TIMM23B: variants seen among roughly 807,000 people sequenced by gnomAD.
TIMM23B encodes translocase of inner mitochondrial membrane 23 homolog B.
A neutral mutation model predicts 27.3 loss-of-function variants in TIMM23B; 27 were observed. The ratio of observed to expected loss-of-function variants is 0.99; its 90% CI spans 0.73 to 1.36. The LOEUF is 1.36. TIMM23B is among the 40% of genes most tolerant of loss of function. TIMM23B has a pLI of 0.00. For synonymous variants in TIMM23B, 73 were observed against 92.4 expected (o/e 0.79, Z 1.21); for missense variants, 205 against 244.2 (o/e 0.84, Z 1.07).
intron 2 of TIMM23B, among the ~76,000 whole-genome samples, chr10:49,945,965 A>C (rs1191930531): frequency 6.6e-6 from 1 of 152,214 alleles, no homozygotes; most frequent in East Asian, 1.9e-4. Context: ...TGAGGTGGGC[A>C]GATCACTTGA....
At chr10:49,946,482 C>G (rs1303854680) in intron 2 of TIMM23B, among the ~76,000 whole-genome samples, 4 of 152,120 alleles carry the variant, frequency 2.6e-5, no homozygotes, top group Non-Finnish European at 5.9e-5. Flanking sequence ...TCTGTTAAAA[C>G]TAATGATCGA....
At position 49,942,114 on chromosome 10, in the gene TIMM23B, C is replaced by A. The variant is rs1234618604; in HGVS notation, c.-81C>A. On this transcript the variant is annotated 5_prime_UTR_variant, in exon 1 of 7. Transcript: ENST00000651259. ...TAGGCGCTGGCAACGCGGGGTTACC[C>A]GCTGTTATTGAGGAGTAACGGCCCA... The A allele has an allele frequency of 3.4e-6, 5 of 1,463,542 alleles. No individual in the cohort carries two copies. The African/African-American group carries it at 5.7e-5, about 17-fold the overall frequency. 90.7% of individuals were successfully genotyped at this position (1,463,542 alleles called of 1,614,324 possible).
intron 6 of TIMM23B, among the ~76,000 whole-genome samples, chr10:49,962,595 T>C (rs1839957224): frequency 6.6e-6 from 1 of 152,136 alleles, no homozygotes; most frequent in African/African-American, 2.4e-5. Context: ...CATTGTCTTT[T>C]AACTCCCACT....
At chr10:49,954,318 G>A (rs1326231403) in intron 4 of TIMM23B, 6 of 454,928 alleles carry the variant, frequency 1.3e-5, no homozygotes, top group Admixed American at 1.3e-4. Flanking sequence ...CACTGTTCTG[G>A]TGGTGTCTGG....
At chr10:49,950,193 GTTTTTTCTTT>G (rs1244622527) in intron 2 of TIMM23B, among the ~76,000 whole-genome samples, 1 of 135,980 alleles carries the variant, frequency 7.4e-6, no homozygotes, top group Non-Finnish European at 1.6e-5. Context: ...AATTAAAAAA[GTTTTTTCTTT>G]TTTTTTTTTT....
At chr10:49,961,080 G>A (rs1839879753) in intron 6 of TIMM23B, among the ~76,000 whole-genome samples, 1 of 152,144 alleles carries the variant, frequency 6.6e-6, no homozygotes, top group East Asian at 1.9e-4. Flanking sequence ...GGAAAAGGTT[G>A]AAGTGAAAGA....
Position 49,945,063 on chromosome 10 carries a change from A to G in TIMM23B, c.138A>G (p.Leu46=). The part of the protein sequence containing the change: ...LTGMNPLCPY[L]NVDPRYLVQD... ...GTATGAACCCTCTGTGTCCTTATTT[A>G]AATGTGGATCCACGATACCTCGTGC... The change falls in exon 2 of 7, where the codon TTA becomes TTG. Residue 46 remains leucine (L), a synonymous_variant. Coordinates refer to ENST00000651259, the MANE Select transcript of TIMM23B (RefSeq NM_001290117.2). 6.2e-7 allele frequency: 1 copy of G among 1,601,406 alleles called. No homozygotes were observed. Among genetic ancestry groups the G allele is most frequent in the Non-Finnish European group, 8.5e-7 (1 of 1,170,898 alleles).
intron 6 of TIMM23B, among the ~76,000 whole-genome samples, chr10:49,968,300 G>C (rs555992462): frequency 1.3e-5 from 2 of 152,318 alleles, no homozygotes; most frequent in African/African-American, 4.8e-5. Context: ...ATTTTCAATA[G>C]AAAAAAGCCT....
Position 49,955,461 on chromosome 10 carries a change from G to A in TIMM23B, c.403+401G>A, listed in dbSNP as rs1213763921. ...CCTCTTGCTATGTTTTCTTAATAGC[G>A]TGTTCATTAGTCTGTTTACCTGAGT... On this transcript the variant is annotated intron_variant, in intron 5 of 6. Transcript: ENST00000651259. 8.5e-5 allele frequency among the ~76,000 whole-genome samples: 13 copies of A among 152,290 alleles called. No individual in the cohort carries two copies. In the South Asian group the frequency reaches 1.7e-3, roughly 19 times the overall value.
chr10:49,959,744 ATTTT>A (rs71258795), intron 6 of TIMM23B, among the ~76,000 whole-genome samples: 2 of 144,752 alleles, frequency 1.4e-5, no homozygotes, highest in Admixed American at 1.4e-4. Context: ...GCAACTTTTA[ATTTT>A]TTTTTTTTTC....
At chr10:49,950,366 A>C (rs1304857810) in intron 2 of TIMM23B, among the ~76,000 whole-genome samples, 1 of 150,798 alleles carries the variant, frequency 6.6e-6, no homozygotes, top group East Asian at 1.9e-4. Context: ...CTATACATTC[A>C]GTATATTAAC....
chr10:49,955,263 T>A (rs1464330188), intron 5 of TIMM23B, among the ~76,000 whole-genome samples: 1 of 152,230 alleles, frequency 6.6e-6, no homozygotes, highest in Non-Finnish European at 1.5e-5. Flanking sequence ...GATACCATTC[T>A]GAATACCATT....
intron 2 of TIMM23B, among the ~76,000 whole-genome samples, chr10:49,950,147 T>G (rs1387618594): frequency 3.3e-5 from 5 of 151,990 alleles, no homozygotes; most frequent in Non-Finnish European, 7.4e-5. Flanking sequence ...ATTTAAATAT[T>G]TTTAACATCC....
At chr10:49,971,190 C>T (rs1303947739) in intron 6 of TIMM23B, among the ~76,000 whole-genome samples, 6 of 152,008 alleles carry the variant, frequency 3.9e-5, no homozygotes, top group Non-Finnish European at 7.4e-5. Context: ...ACAAAAACTG[C>T]GGAAGGCCGC....
Position 49,973,025 on chromosome 10 carries a change from T to G in TIMM23B, c.528T>G (p.Ala176=). The G allele has an allele frequency of 6.5e-7, 1 of 1,530,768 alleles. No homozygotes were observed. Among genetic ancestry groups the G allele is most frequent in the Non-Finnish European group, 8.7e-7 (1 of 1,144,332 alleles). The allele number at this position is 1,530,768 out of a possible 1,614,324, so 94.8% of individuals were successfully genotyped here. ...CATTGCTTTTAGTGTCAGAGATGGCTTTGGATTCCCCGTTCTGTGTGCTGC... is the reference window on the plus strand; with the variant it reads ...CATTGCTTTTAGTGTCAGAGATGGCGTTGGATTCCCCGTTCTGTGTGCTGC... The part of the protein sequence containing the change: ...MLYKCTVSEM[A]LDSPFCVLLS... The change falls in exon 7 of 7, where the codon GCT becomes GCG. Residue 176 remains alanine (A), a synonymous_variant. Coordinates refer to ENST00000651259, the MANE Select transcript of TIMM23B (RefSeq NM_001290117.2).
At chr10:49,970,797 C>T in intron 6 of TIMM23B, among the ~76,000 whole-genome samples, 1 of 152,232 alleles carries the variant, frequency 6.6e-6, no homozygotes. Flanking sequence ...TGAGGAGCCC[C>T]TCTGCCCGGC....
intron 2 of TIMM23B, among the ~76,000 whole-genome samples, chr10:49,950,128 A>G (rs1435627431): frequency 2.0e-5 from 3 of 152,210 alleles, no homozygotes; most frequent in Admixed American, 1.3e-4. Flanking sequence ...TGGTACAAAA[A>G]TAAGGAAAAT....
At chr10:49,952,919 A>C (rs1452923804) in intron 4 of TIMM23B, among the ~76,000 whole-genome samples, 7 of 152,130 alleles carry the variant, frequency 4.6e-5, no homozygotes, top group Non-Finnish European at 1.5e-5. Flanking sequence ...CATGAGAGTG[A>C]TGGCTCAAGC....
At chr10:49,950,501 A>G (rs1204282145) in intron 2 of TIMM23B, among the ~76,000 whole-genome samples, 4 of 145,682 alleles carry the variant, frequency 2.7e-5, no homozygotes, top group African/African-American at 1.0e-4. Context: ...TGCTTGCTTG[A>G]TAATGTTCAT....
Sources: allele counts gnomAD v4.1 joint callset (sites outside exome capture counted in the v4.1 genomes callset), GRCh38; gene constraint gnomAD v4.1.1; transcripts MANE v1.5; gene names NCBI Gene and HGNC (gene_info 2026-07-23, HGNC 2026-07-21).